Variants in PCDHGB7 observed in about 807,000 individuals in gnomAD.
PCDHGB7 encodes the protein protocadherin gamma-B7.
In PCDHGB7, 37 loss-of-function variants were observed where a neutral mutation model predicts 61.4. The ratio of observed to expected loss-of-function variants is 0.60; its 90% CI spans 0.46 to 0.79. The LOEUF (loss-of-function observed/expected upper bound fraction) is 0.79, where lower values mean the gene tolerates loss of function less well. Ranked by LOEUF, PCDHGB7 falls within the 30% of genes least tolerant of loss-of-function variation. The pLI is 0.00. For synonymous variants in PCDHGB7, 464 were observed against 503.5 expected (o/e 0.92, Z 1.05); for missense variants, 1,166 against 1,202.5 (o/e 0.97, Z 0.45).
At chr5:141,453,042 A>G (rs2098754438) in intron 1 of PCDHGB7, among the ~76,000 whole-genome samples, 1 of 152,116 alleles carries the variant, frequency 6.6e-6, no homozygotes, top group Non-Finnish European at 1.5e-5. Context: ...GTTTGTTTCT[A>G]TTATGTGCAG....
At chr5:141,454,837 G>A (rs1269424734) in intron 1 of PCDHGB7, among the ~76,000 whole-genome samples, 4 of 90,354 alleles carry the variant, frequency 4.4e-5, no homozygotes, top group East Asian at 6.5e-4. Flanking sequence ...AGACAGAGTC[G>A]CGCTCTGTCA....
chr5:141,504,200 G>C (rs1232187138), intron 2 of PCDHGB7, among the ~76,000 whole-genome samples: 1 of 152,154 alleles, frequency 6.6e-6, no homozygotes, highest in Non-Finnish European at 1.5e-5. Context: ...TTGTCACTGT[G>C]GGAAAATTCC....
At chr5:141,429,388 A>T (rs6890453) in intron 1 of PCDHGB7, among the ~76,000 whole-genome samples, 24,714 of 140,916 alleles carry the variant, frequency 0.18, 2,276 homozygotes, top group African/African-American at 0.28. Flanking sequence ...TTTTTTTTTT[A>T]AAAAAAATTG....
At position 141,485,662 on chromosome 5, in the gene PCDHGB7, G is replaced by T. The variant is rs778404230; in HGVS notation, c.2416-9145G>T. ...AAAAGGCTCAGGATGCAGATGTGGG[G>T]AGCAATTCGATTAGCAGCTATAGGC... On this transcript the variant is annotated intron_variant, in intron 1 of 3. Coordinates refer to ENST00000398594, the MANE Select transcript of PCDHGB7 (RefSeq NM_018927.4). This position sits in a 1 kb window ranked among gnomAD's most constrained non-coding sequence, Gnocchi z 5.7. The T allele has an allele frequency of 1.1e-5, 18 of 1,612,748 alleles. No individual in the cohort carries two copies. The South Asian group carries it at 1.9e-4, about 17-fold the overall frequency.
Position 141,512,931 on chromosome 5 carries a change from C to T in PCDHGB7, c.*1758C>T, listed in dbSNP as rs2099884512. On this transcript the variant is annotated 3_prime_UTR_variant, in exon 4 of 4. Transcript: ENST00000398594. ...GTTTTATACTCTAATATTTATATGG[C>T]TTTTTTTCTTCGACAAAAAAATAAT... The T allele has an allele frequency of 6.6e-6, 1 of 152,006 alleles. No homozygotes were observed. The highest frequency in any genetic ancestry group is 2.4e-5 in the African/African-American group (1 of 41,414). The allele number at this position is 152,006 out of a possible 1,614,324, so 9.4% of individuals were successfully genotyped here.
Position 141,477,540 on chromosome 5 carries a change from C to T in PCDHGB7, c.2416-17267C>T, listed in dbSNP as rs777796922. On this transcript the variant is annotated intron_variant, in intron 1 of 3. Coordinates refer to ENST00000398594, the MANE Select transcript of PCDHGB7 (RefSeq NM_018927.4). The surrounding 1 kb of genome is among the most constrained non-coding windows in gnomAD (Gnocchi z 4.9). Reference sequence around the variant, plus strand: ...GAAGAAAACAACCTCCCCGGGGCTCCAATACTAAACCTAAGTGTCTGGGAC... The same window carrying T: ...GAAGAAAACAACCTCCCCGGGGCTCTAATACTAAACCTAAGTGTCTGGGAC... The T allele has an allele frequency of 6.8e-6, 11 of 1,614,036 alleles. 1 individual carries two copies. Among genetic ancestry groups the T allele is most frequent in the African/African-American group, 2.7e-5 (2 of 74,920 alleles).
Position 141,489,471 on chromosome 5 carries a change from G to A in PCDHGB7, c.2416-5336G>A. ...AGGAGAATGGGCGCTATTTTTCCCT[G>A]AGCTTGATGAGTGGTGCCCTGGCAG... On this transcript the variant is annotated intron_variant, in intron 1 of 3. Transcript: ENST00000398594. This position sits in a 1 kb window ranked among gnomAD's most constrained non-coding sequence, Gnocchi z 4.5. 1 of 1,614,074 alleles carries A rather than the reference G, an allele frequency of 6.2e-7. No homozygotes were observed. The highest frequency in any genetic ancestry group is 8.5e-7 in the Non-Finnish European group (1 of 1,180,026).
rs1562150111 is a variant in PCDHGB7, at chr5:141,491,805, T to G, written c.2416-3002T>G. 1 of 1,495,892 alleles carries G rather than the reference T, an allele frequency of 6.7e-7. No homozygotes were observed. 92.7% of individuals were successfully genotyped at this position (1,495,892 alleles called of 1,614,324 possible). A position where few individuals can be genotyped will look rare whatever the true frequency, so the allele number is the denominator to read the frequency against. On this transcript the variant is annotated intron_variant, in intron 1 of 3. Coordinates refer to ENST00000398594, the MANE Select transcript of PCDHGB7 (RefSeq NM_018927.4). This position sits in a 1 kb window ranked among gnomAD's most constrained non-coding sequence, Gnocchi z 6.9. ...TGCATCCACTCCTCTCCGGCCGGCT[T>G]GGTCGCTGGCTGCGCTCCACCCGAT... is the stretch of plus-strand genomic sequence containing the variant.
chr5:141,505,413 C>T lies in PCDHGB7; in HGVS notation c.2495C>T (p.Thr832Ile), dbSNP rs1240988786. ...CCCAGCTCCCAAAATGGCGATGACA[C>T]CGGCACCTGGCCCAACAACCAGTTT... is the stretch of plus-strand genomic sequence containing the variant. ...GTSGSQNGDD[T>I]GTWPNNQFDT... Residue 832 changes from threonine to isoleucine, a missense_variant, in exon 3 of 4, where the codon ACC becomes ATC. By Grantham distance (89) the Thr-to-Ile change is moderately conservative. Coordinates refer to ENST00000398594, the MANE Select transcript of PCDHGB7 (RefSeq NM_018927.4). 10 of 1,614,202 alleles carry T rather than the reference C, an allele frequency of 6.2e-6. No homozygotes were observed. Among genetic ancestry groups the T allele is most frequent in the Non-Finnish European group, 7.6e-6 (9 of 1,180,046 alleles).
At chr5:141,475,813 T>C in intron 1 of PCDHGB7, 1 of 334,788 alleles carries the variant, frequency 3.0e-6, no homozygotes, top group East Asian at 5.5e-5. Flanking sequence ...GAAAGTGAAG[T>C]TCCTGGCGCT....
rs748660721 is a variant in PCDHGB7 at position 141,485,346 on chromosome 5, G to A, written c.2416-9461G>A. The A allele has an allele frequency of 1.2e-6, 2 of 1,614,178 alleles. No individual in the cohort carries two copies. Among genetic ancestry groups the A allele is most frequent in the South Asian group, 2.2e-5 (2 of 91,088 alleles). ...CAAGATTTCCTGCTGGATACGGACA[G>A]TCTGTCAGCTCGCAGGCTGCAGGTC... On this transcript the variant is annotated intron_variant, in intron 1 of 3. Transcript: ENST00000398594. This position sits in a 1 kb window ranked among gnomAD's most constrained non-coding sequence, Gnocchi z 5.7.
At position 141,511,146 on chromosome 5, in the gene PCDHGB7, G is replaced by T; in HGVS notation, c.2763G>T (p.Lys921Asn). 1 of 1,614,208 alleles carries T rather than the reference G, an allele frequency of 6.2e-7. No individual in the cohort carries two copies. Among genetic ancestry groups the T allele is most frequent in the Non-Finnish European group, 8.5e-7 (1 of 1,180,018 alleles). The change falls in exon 4 of 4, where the codon AAG becomes AAT. Residue 921 changes from lysine to asparagine, a missense_variant. Lys to Asn is a moderately conservative substitution (Grantham distance 94). Coordinates refer to ENST00000398594, the MANE Select transcript of PCDHGB7 (RefSeq NM_018927.4). Reference protein sequence around the residue: ...KAPAGGNGNKKKSGKKEKK With the variant: ...KAPAGGNGNKNKSGKKEKK The stretch of plus-strand genomic sequence containing the variant: ...CAGCAGGTGGCAATGGCAACAAGAA[G>T]AAGTCGGGCAAGAAGGAGAAGAAGT...
chr5:141,494,677 TGCCCCCTCTTA>T, intron 1 of PCDHGB7, 119 bp from the exon 2 acceptor site: 5 of 1,552,906 alleles, frequency 3.2e-6, no homozygotes, highest in Non-Finnish European at 4.4e-6. Flanking sequence ...AGTCCACCCC[TGCCCCCTCTTA>T]GTCCGTTTTC....
chr5:141,502,868 T>TTTTTTTTTC (rs1298099288), intron 2 of PCDHGB7, among the ~76,000 whole-genome samples: 1 of 147,026 alleles, frequency 6.8e-6, no homozygotes, highest in Non-Finnish European at 1.5e-5. Flanking sequence ...CTCTCTGTCT[T>TTTTTTTTTC]TTTTTTTTTT....
At position 141,476,851 on chromosome 5, in the gene PCDHGB7, C is replaced by T; in HGVS notation, c.2416-17956C>T. ...CGAATGACAATGCGCCTGTCTTCAA[C>T]CAGTCCTTGTACCGGGCGCGCGTCC... On this transcript the variant is annotated intron_variant, in intron 1 of 3. Transcript: ENST00000398594. This position sits in a 1 kb window ranked among gnomAD's most constrained non-coding sequence, Gnocchi z 7.6. The T allele has an allele frequency of 6.2e-7, 1 of 1,613,836 alleles. No individual in the cohort carries two copies. Among genetic ancestry groups the T allele is most frequent in the Non-Finnish European group, 8.5e-7 (1 of 1,180,046 alleles).
Position 141,486,416 on chromosome 5 carries a change from C to G in PCDHGB7, c.2416-8391C>G. The G allele has an allele frequency of 4.3e-6, 7 of 1,614,152 alleles. No homozygotes were observed. The highest frequency in any genetic ancestry group is 5.9e-6 in the Non-Finnish European group (7 of 1,180,016). On this transcript the variant is annotated intron_variant, in intron 1 of 3. Coordinates refer to ENST00000398594, the MANE Select transcript of PCDHGB7 (RefSeq NM_018927.4). The surrounding 1 kb of genome is among the most constrained non-coding windows in gnomAD (Gnocchi z 5.0). Reference sequence around the variant, plus strand: ...CCTGGTGACTGCTGGACCCTTGGATCGAGAGGCCAAATCTAGCTATGACAT... The same window carrying G: ...CCTGGTGACTGCTGGACCCTTGGATGGAGAGGCCAAATCTAGCTATGACAT...
intron 1 of PCDHGB7, chr5:141,427,984 C>T (rs754620535): frequency 1.9e-6 from 3 of 1,597,494 alleles, no homozygotes; most frequent in South Asian, 1.1e-5. Context: ...GCGCTGGGGC[C>T]CGATGGCTCC....
At chr5:141,449,280 C>G (rs934214922) in intron 1 of PCDHGB7, among the ~76,000 whole-genome samples, 1 of 151,944 alleles carries the variant, frequency 6.6e-6, no homozygotes, top group East Asian at 1.9e-4. Context: ...CTCCTTCACC[C>G]GGATGCACCG....
At chr5:141,505,852 G>A (rs2099848673) in intron 3 of PCDHGB7, among the ~76,000 whole-genome samples, 1 of 152,140 alleles carries the variant, frequency 6.6e-6, no homozygotes, top group African/African-American at 2.4e-5. Context: ...TAGAAAGTGG[G>A]GACAGGGACC....
Sources: allele counts gnomAD v4.1 joint callset (sites outside exome capture counted in the v4.1 genomes callset), GRCh38; gene constraint gnomAD v4.1.1; non-coding constraint Gnocchi (gnomAD v3.1); transcripts MANE v1.5; gene names NCBI Gene and HGNC (gene_info 2026-07-23, HGNC 2026-07-21).